OPHN1: variants seen among roughly 807,000 people sequenced by gnomAD.
The protein encoded by OPHN1 is oligophrenin-1.
Under a neutral mutation model 60.7 loss-of-function variants are expected in OPHN1, and 11 were observed. The ratio of observed to expected loss-of-function variants is 0.18; its 90% confidence interval spans 0.11 to 0.30. The LOEUF (loss-of-function observed/expected upper bound fraction) is 0.30, where lower values mean the gene tolerates loss of function less well. Ranked by LOEUF, OPHN1 falls within the 10% of genes least tolerant of loss-of-function variation. The probability of loss-of-function intolerance (pLI) is 1.00; values close to 1 mark genes in which losing one functional copy is unlikely to be tolerated. For missense variants in OPHN1, 449 were observed against 611.0 expected, an observed-to-expected ratio of 0.73 and a Z score of 2.80; for synonymous variants, 226 against 222.6, an observed-to-expected ratio of 1.02 and a Z score of -0.14.
intron 3 of OPHN1, among the ~76,000 whole-genome samples, chrX:68,287,651 C>T (rs928397469): frequency 2.7e-5 from 3 of 111,796 alleles, no homozygotes; most frequent in Non-Finnish European, 5.6e-5. Context: ...GGTTTGCACA[C>T]ATTGCATGAT....
intron 8 of OPHN1, among the ~76,000 whole-genome samples, chrX:68,210,953 A>G (rs1019665564): frequency 9.0e-6 from 1 of 111,170 alleles, no homozygotes; most frequent in African/African-American, 3.3e-5. Context: ...TGTGCTGCCC[A>G]TCTAGTTGGC....
chrX:68,248,424 C>G (rs776695069), intron 5 of OPHN1, among the ~76,000 whole-genome samples: 1 of 111,492 alleles, frequency 9.0e-6, no homozygotes, highest in African/African-American at 3.3e-5. Flanking sequence ...TGGCTTATAT[C>G]CAAAAGACAG....
At chrX:68,283,455 CT>C (rs766758670) in intron 3 of OPHN1, among the ~76,000 whole-genome samples, 8 of 111,710 alleles carry the variant, frequency 7.2e-5, no homozygotes, top group Admixed American at 4.8e-4. Context: ...CTATAGAACC[CT>C]GAAACGAGTT....
chrX:68,060,213 C>A (rs2076888057), intron 21 of OPHN1, among the ~76,000 whole-genome samples: 1 of 110,609 alleles, frequency 9.0e-6, no homozygotes, highest in Non-Finnish European at 1.9e-5. Flanking sequence ...TAATTTTGTA[C>A]CCCCCCAAAA....
At chrX:68,279,612 C>T (rs566058867) in intron 4 of OPHN1, among the ~76,000 whole-genome samples, 160 of 111,015 alleles carry the variant, frequency 1.4e-3, no homozygotes, top group South Asian at 0.01. Context: ...AATATAAGAC[C>T]CACTAAATTA....
At chrX:68,109,955 T>A (rs2147426633) in intron 18 of OPHN1, among the ~76,000 whole-genome samples, 1 of 111,102 alleles carries the variant, frequency 9.0e-6, no homozygotes, top group East Asian at 2.8e-4. Flanking sequence ...TGAGAAATCT[T>A]GTGCATGTGT....
intron 15 of OPHN1, among the ~76,000 whole-genome samples, chrX:68,145,630 A>G (rs757074526): frequency 8.9e-6 from 1 of 111,944 alleles, no homozygotes; most frequent in South Asian, 3.7e-4. Context: ...ACTGTAATCA[A>G]TTCCTCTCTG....
chrX:68,138,651 T>A (rs2077230680), intron 15 of OPHN1, among the ~76,000 whole-genome samples: 1 of 112,387 alleles, frequency 8.9e-6, no homozygotes, highest in Non-Finnish European at 1.9e-5. Flanking sequence ...ATAGTTAATG[T>A]ACACTGAATA....
At chrX:68,072,727 G>A (rs1940691441) in intron 20 of OPHN1, among the ~76,000 whole-genome samples, 1 of 111,745 alleles carries the variant, frequency 8.9e-6, no homozygotes, top group Admixed American at 9.5e-5. Flanking sequence ...ACTTATCTAT[G>A]TCTCCATTTC....
chrX:68,372,860 T>C (rs979614748), intron 2 of OPHN1, among the ~76,000 whole-genome samples: 21 of 110,675 alleles, frequency 1.9e-4, no homozygotes, highest in Admixed American at 9.7e-4. Flanking sequence ...TGCACATGCT[T>C]GTCACAAAAA....
At chrX:68,180,604 C>CT (rs752358887) in intron 15 of OPHN1, among the ~76,000 whole-genome samples, 7 of 111,661 alleles carry the variant, frequency 6.3e-5, no homozygotes, top group Non-Finnish European at 1.1e-4. Flanking sequence ...TAGACTGAAA[C>CT]TAAGTGTGCC....
At chrX:68,259,367 C>T (rs1183186760) in intron 5 of OPHN1, among the ~76,000 whole-genome samples, 1 of 110,792 alleles carries the variant, frequency 9.0e-6, no homozygotes, top group Non-Finnish European at 1.9e-5. Flanking sequence ...GGGAAGATTG[C>T]TTGAGCCTGG....
At chrX:68,408,893 G>A (rs940263655) in intron 2 of OPHN1, among the ~76,000 whole-genome samples, 1 of 112,442 alleles carries the variant, frequency 8.9e-6, no homozygotes, top group Non-Finnish European at 1.9e-5. Context: ...CTCGGGAAGC[G>A]GAGGCTGCAG....
intron 15 of OPHN1, among the ~76,000 whole-genome samples, chrX:68,128,772 T>C (rs1031567144): frequency 4.5e-5 from 5 of 112,306 alleles, no homozygotes; most frequent in Non-Finnish European, 9.4e-5. Context: ...GAGTGAAACA[T>C]TTTTTAAACA....
chrX:68,342,007 T>A (rs766269922), intron 2 of OPHN1, among the ~76,000 whole-genome samples: 2 of 99,975 alleles, frequency 2.0e-5, no homozygotes, highest in African/African-American at 7.4e-5. Flanking sequence ...TCTCACTCTG[T>A]CATCCAGGCT....
intron 19 of OPHN1, among the ~76,000 whole-genome samples, chrX:68,095,252 A>T (rs751667675): frequency 9.0e-6 from 1 of 111,674 alleles, no homozygotes; most frequent in African/African-American, 3.2e-5. Flanking sequence ...AATTTATCAC[A>T]TCTGGGCTCT....
intron 2 of OPHN1, among the ~76,000 whole-genome samples, chrX:68,331,717 C>A (rs1396850913): frequency 4.6e-5 from 4 of 87,753 alleles, no homozygotes; most frequent in African/African-American, 1.8e-4. Flanking sequence ...GGTGACAGAG[C>A]TAGACTCTGT....
At chrX:68,074,525 G>A (rs1030381041) in intron 19 of OPHN1, among the ~76,000 whole-genome samples, 6 of 110,977 alleles carry the variant, frequency 5.4e-5, no homozygotes, top group African/African-American at 2.0e-4. Context: ...ACATGAGGTC[G>A]TTGCACTGAC....
chrX:68,164,369 C>T (rs1007748844), intron 15 of OPHN1, among the ~76,000 whole-genome samples: 2 of 111,971 alleles, frequency 1.8e-5, no homozygotes, highest in African/African-American at 3.2e-5. Context: ...CTCTTTGATC[C>T]ATGAGCTACA....
Sources: allele counts gnomAD v4.1 joint callset (sites outside exome capture counted in the v4.1 genomes callset), GRCh38; gene constraint gnomAD v4.1.1; transcripts MANE v1.5; gene names NCBI Gene and HGNC (gene_info 2026-07-23, HGNC 2026-07-21).